FHOD1: variants seen among roughly 807,000 people sequenced by gnomAD.
FHOD1 encodes formin homology 2 domain containing 1.
In FHOD1, 89 loss-of-function variants were observed where a neutral mutation model predicts 111.6. The observed-to-expected ratio is 0.80, with a 90% CI of 0.67 to 0.95. The LOEUF is 0.95. FHOD1 is among the 40% of genes least tolerant of loss of function. The pLI is 0.00. For missense variants in FHOD1, 1,446 were observed against 1,554.2 expected (o/e 0.93, Z 1.17); for synonymous variants, 618 against 639.0 (o/e 0.97, Z 0.50).
Position 67,237,638 on chromosome 16 carries a change from GA to G in FHOD1, c.754+18del. On this transcript the variant is annotated intron_variant, in intron 7 of 21. Coordinates refer to ENST00000258201, the MANE Select transcript of FHOD1 (RefSeq NM_013241.3). This position sits in a 1 kb window ranked among gnomAD's most constrained non-coding sequence, Gnocchi z 5.6. ...GAGAGGGCTCTGAGCGGTGGGGGGA[GA>G]AAGGGACAGTCTCTGACCGGTGGTG... The G allele has an allele frequency of 6.2e-7, 1 of 1,613,532 alleles. No homozygotes were observed.
chr16:67,237,298 G>A lies in FHOD1; in HGVS notation c.934C>T (p.Arg312Cys), dbSNP rs2034524355. 1.2e-6 allele frequency: 2 copies of A among 1,613,864 alleles called. No individual in the cohort carries two copies. The highest frequency in any genetic ancestry group is 1.7e-6 in the Non-Finnish European group (2 of 1,180,046). ...EQQGMEALVQ[R>C]HLGTAGTDVD... is the part of the protein sequence containing the mutation. ...TCAGTGCCCGCAGTGCCCAGGTGGC[G>A]CTGGACCAGCGCTTCCATGCCCTGC... Residue 312 changes from arginine to cysteine, a missense_variant, in exon 9 of 22, where the codon CGC becomes TGC. By Grantham distance (180) the Arg-to-Cys change is radical. Around this residue, in one of 3 missense-constraint regions of FHOD1, gnomAD observed 234 missense variants for 327.4 expected, o/e 0.71. Coordinates refer to ENST00000258201, the MANE Select transcript of FHOD1 (RefSeq NM_013241.3). This position sits in a 1 kb window ranked among gnomAD's most constrained non-coding sequence, Gnocchi z 5.6.
In FHOD1 at chr16:67,230,761, C is replaced by T. The variant is rs547019932; in HGVS notation, c.2698G>A (p.Gly900Arg). ...VDFEQLTENL[G>R]QLERRSRAAE... ...GCCCGGCTCCGGCGCTCCAGCTGCC[C>T]CAGGTTCTCAGTCAGCTGTTCAAAG... Residue 900 changes from glycine (G) to arginine (R), a missense_variant, in exon 18 of 22, where the codon GGG (glycine) becomes AGG (arginine). Physicochemically the swap from Gly to Arg is moderately radical, Grantham distance 125. Coordinates refer to ENST00000258201, the MANE Select transcript of FHOD1 (RefSeq NM_013241.3). 17 of 1,605,626 alleles carry T rather than the reference C, an allele frequency of 1.1e-5. No homozygotes were observed. The highest frequency in any genetic ancestry group is 3.7e-4 in the Middle Eastern group (2 of 5,434).
chr16:67,240,048 G>A (rs1250423445), intron 1 of FHOD1, among the ~76,000 whole-genome samples: 1 of 152,186 alleles, frequency 6.6e-6, no homozygotes, highest in Non-Finnish European at 1.5e-5. Context: ...GCTGGGAGGT[G>A]CAAACCCACC....
chr16:67,236,465 T>G, intron 11 of FHOD1, 92 bp downstream of exon 11: 1 of 1,545,414 alleles, frequency 6.5e-7, no homozygotes, highest in Non-Finnish European at 8.7e-7. Context: ...AGCACGCGTT[T>G]GGGCAGAGGA....
chr16:67,244,481 C>A (rs928601795), intron 1 of FHOD1, among the ~76,000 whole-genome samples: 3 of 152,092 alleles, frequency 2.0e-5, no homozygotes, highest in African/African-American at 7.2e-5. Flanking sequence ...CCAACCAGGG[C>A]CAGGAGATGA....
Position 67,238,887 on chromosome 16 carries a change from G to A in FHOD1, c.373+16C>T, listed in dbSNP as rs763106137. Reference sequence around the variant, plus strand: ...GGAGGAGGTGCTGCTGGACATGGATGCTCTCACACACTCACCCAAGATAGC... The same window carrying A: ...GGAGGAGGTGCTGCTGGACATGGATACTCTCACACACTCACCCAAGATAGC... On this transcript the variant is annotated intron_variant, in intron 3 of 21. Transcript: ENST00000258201. This position sits in a 1 kb window ranked among gnomAD's most constrained non-coding sequence, Gnocchi z 4.2. 2.5e-6 allele frequency: 4 copies of A among 1,613,752 alleles called. No homozygotes were observed. The highest frequency in any genetic ancestry group is 3.4e-6 in the Non-Finnish European group (4 of 1,179,596).
rs763493505 is a variant in FHOD1, at chr16:67,231,687, C to T, written c.2335G>A (p.Ala779Thr). ...TTGAAGGCCCAGAGTTGTAGACGAG[C>T]AGCGAGGCCGCCAATGGAGGCAAGA... ...MTLASIGGLAARLQLWAFKLD... is the reference protein window; with the variant it reads ...MTLASIGGLATRLQLWAFKLD... Residue 779 changes from alanine (A) to threonine (T), a missense_variant, in exon 15 of 22, where the codon GCT becomes ACT. Ala to Thr is a moderately conservative substitution (Grantham distance 58). This residue lies in a region of FHOD1 where 1,085 missense variants were observed against 1,108.8 expected (regional missense o/e 0.98). Coordinates refer to ENST00000258201, the MANE Select transcript of FHOD1 (RefSeq NM_013241.3). This position sits in a 1 kb window ranked among gnomAD's most constrained non-coding sequence, Gnocchi z 4.3. The T allele has an allele frequency of 6.2e-7, 1 of 1,614,186 alleles. No homozygotes were observed. Among genetic ancestry groups the T allele is most frequent in the Non-Finnish European group, 8.5e-7 (1 of 1,180,026 alleles).
Position 67,237,389 on chromosome 16 carries a change from G to T in FHOD1, c.850-7C>A. 3.1e-6 allele frequency: 5 copies of T among 1,613,802 alleles called. No individual in the cohort carries two copies. Among genetic ancestry groups the T allele is most frequent in the Non-Finnish European group, 4.2e-6 (5 of 1,179,692 alleles). On this transcript the variant is annotated splice_polypyrimidine_tract_variant and splice_region_variant and intron_variant, in intron 8 of 21. Transcript: ENST00000258201. The surrounding 1 kb of genome is among the most constrained non-coding windows in gnomAD (Gnocchi z 5.6). Reference sequence around the variant, plus strand: ...CCGGGAGCGCCGCCAGCGTCTGGAGGGCGGGGATAAGAAGGCAAGGCTGAG... The same window carrying T: ...CCGGGAGCGCCGCCAGCGTCTGGAGTGCGGGGATAAGAAGGCAAGGCTGAG...
rs540354299 is a variant in FHOD1, at chr16:67,239,427, G to C, written c.229C>G (p.Pro77Ala). Residue 77 changes from proline (P) to alanine (A), a missense_variant, in exon 2 of 22, where the codon CCC becomes GCC. Pro to Ala is a conservative substitution (Grantham distance 27). Coordinates refer to ENST00000258201, the MANE Select transcript of FHOD1 (RefSeq NM_013241.3). ...TCGGTGTCCAGGTAGTATCCGGAGG[G>C]AGACACTTGCAGAGCACAATCCTCC... ...KLEDCALQVS[P>A]SGYYLDTELS... The C allele has an allele frequency of 5.0e-6, 8 of 1,614,106 alleles. No homozygotes were observed. The African/African-American group carries it at 9.3e-5, about 19-fold the overall frequency.
chr16:67,236,013 T>TA, intron 11 of FHOD1: 1 of 982,870 alleles, frequency 1.0e-6, no homozygotes, highest in Non-Finnish European at 1.2e-6. Flanking sequence ...CCTCTGTACT[T>TA]ACTCCAGCCT....
Position 67,230,423 on chromosome 16 carries a change from C to G in FHOD1, c.2942G>C (p.Arg981Pro), listed in dbSNP as rs569958308. ...AGTCCGATACTCAAGCGCAAATTCC[C>G]GCAGCGTGTGGCAGAACTGCATGAT... is the stretch of plus-strand genomic sequence containing the variant. ...VRIMQFCHTL[R>P]EFALEYRTCR... Residue 981 changes from arginine (R) to proline (P), a missense_variant, in exon 19 of 22, where the codon CGG becomes CCG. Arg to Pro is a moderately radical substitution (Grantham distance 103). Coordinates refer to ENST00000258201, the MANE Select transcript of FHOD1 (RefSeq NM_013241.3). The G allele has an allele frequency of 3.8e-5, 62 of 1,614,246 alleles. No individual in the cohort carries two copies. In the South Asian group the frequency reaches 5.7e-4, roughly 15 times the overall value.
At position 67,236,752 on chromosome 16, in the gene FHOD1, A is replaced by G. The variant is rs755146040; in HGVS notation, c.1143-19T>C. On this transcript the variant is annotated intron_variant, in intron 10 of 21. Transcript: ENST00000258201. ...TGTGGGGCTGAAAGCAGGGGCTGTC[A>G]GTGGGGCGGGGCCTGAGAAGCTGGA... is the stretch of plus-strand genomic sequence containing the variant. 5.2e-5 allele frequency: 51 copies of G among 988,758 alleles called. No homozygotes were observed. Among genetic ancestry groups the G allele is most frequent in the Non-Finnish European group, 2.7e-5 (22 of 827,268 alleles). 61.2% of individuals were successfully genotyped at this position (988,758 alleles called of 1,614,324 possible).
chr16:67,242,847 G>GA (rs1321281279), intron 1 of FHOD1, among the ~76,000 whole-genome samples: 1 of 151,974 alleles, frequency 6.6e-6, no homozygotes, highest in African/African-American at 2.4e-5. Context: ...AAGCCCAGGG[G>GA]ACCATGGCAT....
intron 1 of FHOD1, among the ~76,000 whole-genome samples, chr16:67,243,491 G>A (rs2034724286): frequency 6.6e-6 from 1 of 152,026 alleles, no homozygotes; most frequent in Non-Finnish European, 1.5e-5. Flanking sequence ...TGAGATTACA[G>A]GCATGAGCCA....
intron 2 of FHOD1, 78 bp downstream of exon 2, chr16:67,239,270 G>A (rs150016766): frequency 0.018 from 20,256 of 1,119,506 alleles, 253 homozygotes; most frequent in Middle Eastern, 0.08. Flanking sequence ...GTGATCGAGT[G>A]TCTCAGCTGC....
At chr16:67,230,530 G>A in intron 18 of FHOD1, 24 bp from the exon 19 acceptor site, 3 of 1,613,868 alleles carry the variant, frequency 1.9e-6, no homozygotes, top group Non-Finnish European at 8.5e-7. Context: ...AGTAGGGAGG[G>A]ACAGTAAGTC....
At chr16:67,233,400 G>T (rs2142270838) in intron 13 of FHOD1, among the ~76,000 whole-genome samples, 1 of 151,986 alleles carries the variant, frequency 6.6e-6, no homozygotes, top group Non-Finnish European at 1.5e-5. Flanking sequence ...TTTTAGTAGA[G>T]ATAATGTCTC....
chr16:67,241,975 CT>C (rs367557091), intron 1 of FHOD1, among the ~76,000 whole-genome samples: 4,294 of 147,256 alleles, frequency 0.029, 77 homozygotes, highest in Middle Eastern at 0.11. Context: ...AGTCCACCTT[CT>C]TTTTTTTTTT....
chr16:67,231,249 T>C lies in FHOD1; in HGVS notation c.2606A>G (p.Gln869Arg), dbSNP rs1195716658. ...GAGGTCAGAGGACTCAGGCCGGGTC[T>C]GGAGCACTAGGGAGCAGAGATGGTG... ...LLHHLCSLVLQTRPESSDLYS... is the reference protein window; with the variant it reads ...LLHHLCSLVLRTRPESSDLYS... The change falls in exon 17 of 22, where the codon CAG becomes CGG. Residue 869 changes from glutamine to arginine, a missense_variant. Coordinates refer to ENST00000258201, the MANE Select transcript of FHOD1 (RefSeq NM_013241.3). The surrounding 1 kb of genome is among the most constrained non-coding windows in gnomAD (Gnocchi z 4.3). The C allele has an allele frequency of 5.0e-6, 8 of 1,614,212 alleles. No homozygotes were observed. The highest frequency in any genetic ancestry group is 5.9e-6 in the Non-Finnish European group (7 of 1,180,036).
Sources: allele counts gnomAD v4.1 joint callset (sites outside exome capture counted in the v4.1 genomes callset), GRCh38; gene constraint gnomAD v4.1.1; regional missense constraint gnomAD v4.1.1; non-coding constraint Gnocchi (gnomAD v3.1); transcripts MANE v1.5; gene names NCBI Gene and HGNC (gene_info 2026-07-23, HGNC 2026-07-21).